Variants in PPM1H observed in about 807,000 individuals in gnomAD.
PPM1H encodes protein phosphatase, Mg2+/Mn2+ dependent 1H, also known as protein phosphatase 1H.
In PPM1H, 27 loss-of-function variants were observed where a neutral mutation model predicts 54.9. The observed-to-expected ratio is 0.49, with a 90% CI of 0.36 to 0.68. PPM1H has a LOEUF of 0.68. Ranked by LOEUF, PPM1H falls within the 30% of genes least tolerant of loss-of-function variation. The pLI, the probability that PPM1H is intolerant of heterozygous loss-of-function variation, is 0.00. For missense variants in PPM1H, 596 were observed against 667.8 expected (o/e 0.89, Z 1.19); for synonymous variants, 305 against 270.8 (o/e 1.13, Z -1.24).
At chr12:62,749,155 A>C (rs1036514683) in intron 4 of PPM1H, among the ~76,000 whole-genome samples, 1 of 152,196 alleles carries the variant, frequency 6.6e-6, no homozygotes. Context: ...AAGGCCCCCA[A>C]TGTAATTTCA....
chr12:62,888,503 A>G lies in PPM1H; in HGVS notation c.245+45989T>C, dbSNP rs149695109. Reference sequence around the variant, plus strand: ...AGGAAGAGCCAGCAAAGGAAACTTCAGACACAGCATCCCAGGAAGACAGAA... The same window carrying G: ...AGGAAGAGCCAGCAAAGGAAACTTCGGACACAGCATCCCAGGAAGACAGAA... On this transcript the variant is annotated intron_variant, in intron 1 of 9. Coordinates refer to ENST00000228705, the MANE Select transcript of PPM1H (RefSeq NM_020700.2). 2.0e-5 allele frequency among the ~76,000 whole-genome samples: 3 copies of G among 152,314 alleles called. No homozygotes were observed. The East Asian group carries it at 5.8e-4, about 29-fold the overall frequency.
chr12:62,803,973 G>T (rs1047970434), intron 2 of PPM1H, among the ~76,000 whole-genome samples: 4 of 152,090 alleles, frequency 2.6e-5, no homozygotes, highest in South Asian at 2.1e-4. Flanking sequence ...GCTCACCATC[G>T]ATACCTTTCA....
chr12:62,929,438 C>T (rs61638899), intron 1 of PPM1H, among the ~76,000 whole-genome samples: 101 of 152,296 alleles, frequency 6.6e-4, no homozygotes, highest in African/African-American at 2.3e-3. Context: ...TTCTACCAAA[C>T]ATTGAGAATT....
chr12:62,849,594 G>A (rs1174345497), intron 1 of PPM1H, among the ~76,000 whole-genome samples: 1 of 152,160 alleles, frequency 6.6e-6, no homozygotes, highest in African/African-American at 2.4e-5. Flanking sequence ...GGTTTTAAGA[G>A]GGAAAGGTGC....
intron 9 of PPM1H, chr12:62,658,888 C>G (rs2075863389): frequency 3.1e-6 from 2 of 642,114 alleles, no homozygotes; most frequent in South Asian, 2.8e-5. Flanking sequence ...TCATCCAGCA[C>G]CAGTCTGACC....
intron 1 of PPM1H, among the ~76,000 whole-genome samples, chr12:62,848,561 C>A (rs1869060088): frequency 6.6e-6 from 1 of 152,180 alleles, no homozygotes; most frequent in South Asian, 2.1e-4. Context: ...GCCCCACTCT[C>A]AGAGATTCAA....
intron 1 of PPM1H, among the ~76,000 whole-genome samples, chr12:62,902,613 G>A (rs1370195148): frequency 6.6e-6 from 1 of 152,140 alleles, no homozygotes; most frequent in Admixed American, 6.5e-5. Context: ...TCTTCCCCTT[G>A]TTGGCTGAGG....
chr12:62,734,008 G>C (rs1277935763), intron 5 of PPM1H, among the ~76,000 whole-genome samples: 2 of 152,166 alleles, frequency 1.3e-5, no homozygotes, highest in Non-Finnish European at 2.9e-5. Flanking sequence ...TCCCCAGTGT[G>C]ATGGCATTTA....
intron 1 of PPM1H, among the ~76,000 whole-genome samples, chr12:62,851,139 C>T (rs1869171315): frequency 1.3e-5 from 2 of 152,238 alleles, no homozygotes; most frequent in African/African-American, 4.8e-5. Flanking sequence ...AAATACTACT[C>T]CCCACTGAAA....
At chr12:62,655,056 G>T (rs770548976) in intron 9 of PPM1H, among the ~76,000 whole-genome samples, 2 of 152,190 alleles carry the variant, frequency 1.3e-5, no homozygotes, top group African/African-American at 4.8e-5. Flanking sequence ...GTGACAGTAC[G>T]AATGCTCTAG....
At chr12:62,897,464 T>C (rs1358516883) in intron 1 of PPM1H, among the ~76,000 whole-genome samples, 5 of 152,152 alleles carry the variant, frequency 3.3e-5, no homozygotes, top group Admixed American at 3.3e-4. Context: ...CACTTAATGA[T>C]TTTGGTGAAC....
chr12:62,862,448 C>A (rs959875228), intron 1 of PPM1H, among the ~76,000 whole-genome samples: 3 of 152,184 alleles, frequency 2.0e-5, no homozygotes, highest in African/African-American at 7.2e-5. Flanking sequence ...GAGCATCTAT[C>A]GAGTCTTCAA....
intron 1 of PPM1H, among the ~76,000 whole-genome samples, chr12:62,834,784 G>A (rs976776957): frequency 1.3e-5 from 2 of 152,164 alleles, no homozygotes; most frequent in African/African-American, 4.8e-5. Context: ...TCTCTCCTCA[G>A]AGAACCAAAC....
At chr12:62,686,053 C>T (rs775084286) in intron 8 of PPM1H, among the ~76,000 whole-genome samples, 57 of 152,168 alleles carry the variant, frequency 3.7e-4, no homozygotes, top group Non-Finnish European at 1.6e-4. Context: ...ATTCTAAATC[C>T]TCTCCACTCC....
chr12:62,710,489 A>C (rs1039328204), intron 6 of PPM1H, among the ~76,000 whole-genome samples: 1 of 147,604 alleles, frequency 6.8e-6, no homozygotes, highest in African/African-American at 2.5e-5. Flanking sequence ...CTGAGATCAC[A>C]CCACTGCACT....
At chr12:62,707,473 T>C (rs1296314116) in intron 6 of PPM1H, among the ~76,000 whole-genome samples, 1 of 152,162 alleles carries the variant, frequency 6.6e-6, no homozygotes, top group Non-Finnish European at 1.5e-5. Context: ...CAGCGCTCTT[T>C]AACCGACCAC....
intron 4 of PPM1H, chr12:62,755,435 A>T: frequency 1.4e-6 from 1 of 702,922 alleles, no homozygotes; most frequent in Non-Finnish European, 2.6e-6. Flanking sequence ...GTCATCAACG[A>T]AAATCCTATC....
chr12:62,676,509 C>G (rs1273884849), intron 8 of PPM1H, among the ~76,000 whole-genome samples: 1 of 152,144 alleles, frequency 6.6e-6, no homozygotes, highest in Non-Finnish European at 1.5e-5. Flanking sequence ...TCTTGGGTGT[C>G]TTGGAAGTCC....
chr12:62,762,208 A>G (rs1220463864), intron 4 of PPM1H, among the ~76,000 whole-genome samples: 1 of 152,162 alleles, frequency 6.6e-6, no homozygotes, highest in Non-Finnish European at 1.5e-5. Context: ...GTGTGCACAA[A>G]GCTCTGTGAT....
Sources: gnomAD v4.1 joint callset for allele counts (sites outside exome capture counted in the v4.1 genomes callset) on GRCh38, gnomAD v4.1.1 for gene constraint, MANE v1.5 for transcripts, NCBI Gene and HGNC (gene_info 2026-07-23, HGNC 2026-07-21) for gene names.